CHM: variants seen among roughly 807,000 people sequenced by gnomAD.
CHM encodes the protein CHM Rab escort protein.
Under a neutral mutation model 49.0 loss-of-function variants are expected in CHM, and 10 were observed. That is an observed-to-expected ratio of 0.20 (90% CI 0.13 to 0.35). The LOEUF (loss-of-function observed/expected upper bound fraction) is 0.35, where lower values mean the gene tolerates loss of function less well. Ranked by LOEUF, CHM falls within the 10% of genes least tolerant of loss-of-function variation. CHM has a pLI of 1.00. For synonymous variants in CHM, 184 were observed against 167.5 expected, an observed-to-expected ratio of 1.10 and a Z score of -0.76; for missense variants, 455 against 478.4, an observed-to-expected ratio of 0.95 and a Z score of 0.46.
chrX:86,032,837 T>C (rs982225405), intron 1 of CHM, among the ~76,000 whole-genome samples: 1 of 111,586 alleles, frequency 9.0e-6, no homozygotes, highest in African/African-American at 3.3e-5. Context: ...TCCTCCATCA[T>C]GACTTTCACA....
chrX:85,943,415 A>G (rs1929235510), intron 8 of CHM, among the ~76,000 whole-genome samples: 2 of 112,099 alleles, frequency 1.8e-5, no homozygotes, highest in African/African-American at 6.5e-5. Context: ...TTATAGGGGT[A>G]AGGAGGAGAT....
At chrX:85,979,929 G>A (rs1178388341) in intron 3 of CHM, among the ~76,000 whole-genome samples, 2 of 111,052 alleles carry the variant, frequency 1.8e-5, no homozygotes, top group Non-Finnish European at 3.8e-5. Context: ...TAGAAGAGAA[G>A]GTGAAATACA....
intron 9 of CHM, among the ~76,000 whole-genome samples, chrX:85,908,953 A>G (rs1926765773): frequency 8.9e-6 from 1 of 111,984 alleles, no homozygotes; most frequent in Admixed American, 9.5e-5. Context: ...AAAGCCAAGT[A>G]CTTTCTAAGA....
intron 2 of CHM, among the ~76,000 whole-genome samples, chrX:86,006,386 C>T (rs756577300): frequency 2.7e-5 from 3 of 111,741 alleles, no homozygotes; most frequent in Non-Finnish European, 5.6e-5. Context: ...CATGCCTATT[C>T]AACACAGTGC....
intron 11 of CHM, 54 bp downstream of exon 11, chrX:85,900,592 C>A: frequency 1.4e-6 from 1 of 731,222 alleles, no homozygotes; most frequent in South Asian, 2.3e-5. Flanking sequence ...ATATATATAC[C>A]GAAACATCTT....
intron 9 of CHM, among the ~76,000 whole-genome samples, chrX:85,904,155 T>G (rs1469159759): frequency 9.0e-6 from 1 of 111,183 alleles, no homozygotes; most frequent in Non-Finnish European, 1.9e-5. Context: ...GCCAGAGTCA[T>G]GAAAATACCC....
chrX:85,969,328 G>A (rs1234066060), intron 4 of CHM: 1 of 741,217 alleles, frequency 1.3e-6, no homozygotes, highest in Non-Finnish European at 1.6e-6. Context: ...AACAAGCAAC[G>A]ATATTTTACC....
At chrX:85,950,923 T>C (rs1929713732) in intron 8 of CHM, among the ~76,000 whole-genome samples, 1 of 111,920 alleles carries the variant, frequency 8.9e-6, no homozygotes, top group South Asian at 3.7e-4. Flanking sequence ...AATGACAAAG[T>C]AGGCTGACAC....
chrX:85,923,393 T>C (rs747560391), intron 8 of CHM, among the ~76,000 whole-genome samples: 6 of 112,193 alleles, frequency 5.3e-5, no homozygotes, highest in South Asian at 7.5e-4. Flanking sequence ...GTAGGCTACA[T>C]TGCTCTTATT....
chrX:85,976,898 A>G (rs1169647621), intron 4 of CHM, among the ~76,000 whole-genome samples: 5 of 110,165 alleles, frequency 4.5e-5, no homozygotes, highest in African/African-American at 1.3e-4. Flanking sequence ...ACACACACAC[A>G]CACACACACA....
At chrX:85,929,194 G>T (rs918033591) in intron 8 of CHM, among the ~76,000 whole-genome samples, 5 of 111,547 alleles carry the variant, frequency 4.5e-5, no homozygotes, top group African/African-American at 1.3e-4. Context: ...ACACACTCCT[G>T]ATTAACTCCC....
In CHM at chrX:85,988,038, G is replaced by A. The variant is rs750907339; in HGVS notation, c.117-6229C>T. Among the ~76,000 whole-genome samples the A allele has an allele frequency of 1.1e-3, 125 of 111,713 alleles. 1 individual carries two copies. Among genetic ancestry groups the A allele is most frequent in the Non-Finnish European group, 2.0e-3 (106 of 53,122 alleles). Reference sequence around the variant, plus strand: ...AGCATCATCCTGAAACAAAAACCTCGCAGGGATATAACAGAAAAAGAAAAC... The same window carrying A: ...AGCATCATCCTGAAACAAAAACCTCACAGGGATATAACAGAAAAAGAAAAC... On this transcript the variant is annotated intron_variant, in intron 2 of 14. Coordinates refer to ENST00000357749, the MANE Select transcript of CHM (RefSeq NM_000390.4).
chrX:86,034,156 C>T (rs1035021670), intron 1 of CHM, among the ~76,000 whole-genome samples: 1 of 111,345 alleles, frequency 9.0e-6, no homozygotes, highest in Admixed American at 9.6e-5. Context: ...TATAGATATC[C>T]TTATTAGATA....
At chrX:85,913,427 T>TGGAGAGGGGAGG (rs202195053) in intron 8 of CHM, among the ~76,000 whole-genome samples, 21,727 of 97,404 alleles carry the variant, frequency 0.22, 2,368 homozygotes, top group African/African-American at 0.29. Context: ...GAGAGGAGAC[T>TGGAGAGGGGAGG]GGAGGACAGG....
intron 14 of CHM, among the ~76,000 whole-genome samples, chrX:85,869,940 A>G (rs1923943687): frequency 1.8e-5 from 2 of 112,458 alleles, no homozygotes; most frequent in Admixed American, 1.9e-4. Context: ...TGTTTAGTTA[A>G]CATACATCAA....
intron 4 of CHM, among the ~76,000 whole-genome samples, chrX:85,966,349 A>G (rs943602562): frequency 1.2e-5 from 1 of 85,143 alleles, no homozygotes; most frequent in African/African-American, 5.8e-5. Context: ...AACTCCGTCT[A>G]AAAAAAAAAA....
intron 8 of CHM, among the ~76,000 whole-genome samples, chrX:85,928,523 C>T (rs1928228504): frequency 9.0e-6 from 1 of 111,275 alleles, no homozygotes; most frequent in Non-Finnish European, 1.9e-5. Flanking sequence ...AGCCTGGCTA[C>T]AGAGCAAGAC....
At chrX:85,889,245 A>G (rs1603240075) in intron 12 of CHM, among the ~76,000 whole-genome samples, 3 of 112,426 alleles carry the variant, frequency 2.7e-5, no homozygotes, top group African/African-American at 6.5e-5. Context: ...GCATGTACCC[A>G]GCAAAAGAAA....
At chrX:86,014,515 A>G (rs1353134858) in intron 2 of CHM, among the ~76,000 whole-genome samples, 1 of 112,639 alleles carries the variant, frequency 8.9e-6, no homozygotes, top group Non-Finnish European at 1.9e-5. Context: ...GGAAAACACT[A>G]TGAATTACAG....
Sources: allele counts gnomAD v4.1 joint callset (sites outside exome capture counted in the v4.1 genomes callset), GRCh38; gene constraint gnomAD v4.1.1; transcripts MANE v1.5; gene names NCBI Gene and HGNC (gene_info 2026-07-23, HGNC 2026-07-21).